FGF9: variants seen among roughly 807,000 people sequenced by gnomAD.
FGF9 encodes fibroblast growth factor 9 (glia-activating factor).
In FGF9, 3 loss-of-function variants were observed where a neutral mutation model predicts 19.9. The observed-to-expected ratio is 0.15, with a 90% confidence interval of 0.07 to 0.39. FGF9 has a LOEUF of 0.39. Ranked by LOEUF, FGF9 falls within the 10% of genes least tolerant of loss-of-function variation. The probability of loss-of-function intolerance (pLI) is 1.00; values close to 1 mark genes in which losing one functional copy is unlikely to be tolerated. For synonymous variants in FGF9, 107 were observed against 106.9 expected (o/e 1.00, Z -0.01); for missense variants, 175 against 256.8 (o/e 0.68, Z 2.18).
chr13:21,687,024 G>C (rs1872178294), intron 2 of FGF9, among the ~76,000 whole-genome samples: 1 of 152,176 alleles, frequency 6.6e-6, no homozygotes, highest in Non-Finnish European at 1.5e-5. Flanking sequence ...TCTTAAAACA[G>C]GTGTTTACTA....
Position 21,671,611 on chromosome 13 carries a change from C to A in FGF9, c.-302C>A. 1 of 540,834 alleles carries A rather than the reference C, an allele frequency of 1.8e-6. No individual in the cohort carries two copies. The highest frequency in any genetic ancestry group is 2.9e-5 in the South Asian group (1 of 34,680). The allele number at this position is 540,834 out of a possible 1,614,324, so 33.5% of individuals were successfully genotyped here. The stretch of plus-strand genomic sequence containing the variant: ...ACGGTCGGATGGGATGAAGACCTTC[C>A]TGCCTGCTAAGAGCTGGGGATCTAT... On this transcript the variant is annotated 5_prime_UTR_variant, in exon 1 of 3. The change creates a new upstream start codon in the 5' untranslated region. Transcript: ENST00000382353.
chr13:21,677,125 A>C (rs1363736733), intron 1 of FGF9, among the ~76,000 whole-genome samples: 2 of 152,278 alleles, frequency 1.3e-5, no homozygotes, highest in Admixed American at 6.5e-5. Flanking sequence ...GAGAACAAAG[A>C]AATGACAGCA....
chr13:21,684,839 A>G (rs1872123690), intron 2 of FGF9, among the ~76,000 whole-genome samples: 1 of 152,214 alleles, frequency 6.6e-6, no homozygotes, highest in East Asian at 1.9e-4. Context: ...CTGTGCACAC[A>G]AAATGTTTGT....
chr13:21,681,803 T>G (rs1447342987), intron 2 of FGF9, among the ~76,000 whole-genome samples: 1 of 152,224 alleles, frequency 6.6e-6, no homozygotes, highest in Admixed American at 6.5e-5. Flanking sequence ...ACTCTTCCAC[T>G]CTGTGGCGGG....
In FGF9 at chr13:21,702,701, A is replaced by G. The variant is rs370206395; in HGVS notation, c.*1266A>G. ...TTTTTGGTTCACTTGGCTATCAAAT[A>G]TGAAATTATAGAAGTATCATAGGGG... On this transcript the variant is annotated 3_prime_UTR_variant, in exon 3 of 3. Coordinates refer to ENST00000382353, the MANE Select transcript of FGF9 (RefSeq NM_002010.3). The G allele has an allele frequency of 1.7e-3, 264 of 152,378 alleles. No individual in the cohort carries two copies. The highest frequency in any genetic ancestry group is 6.0e-3 in the African/African-American group (248 of 41,584). 9.4% of individuals were successfully genotyped at this position (152,378 alleles called of 1,614,324 possible).
intron 2 of FGF9, among the ~76,000 whole-genome samples, chr13:21,697,502 G>A (rs138716987): frequency 6.6e-6 from 1 of 152,238 alleles, no homozygotes; most frequent in African/African-American, 2.4e-5. Flanking sequence ...ATGTGTGTGC[G>A]TGAACGATGC....
rs1871772300 is a variant in FGF9, at chr13:21,671,787, C to G, written c.-126C>G. The G allele has an allele frequency of 5.2e-6, 5 of 969,340 alleles. No homozygotes were observed. The allele number at this position is 969,340 out of a possible 1,614,324, so 60.0% of individuals were successfully genotyped here. A position where few individuals can be genotyped will look rare whatever the true frequency, so the allele number is the denominator to read the frequency against. ...GCATTTAATGGATTGAAGAAAAGAA[C>G]CTTTTTTTTCTCTCTCTCTCTGCAA... is the stretch of plus-strand genomic sequence containing the variant. On this transcript the variant is annotated 5_prime_UTR_variant, in exon 1 of 3. Coordinates refer to ENST00000382353, the MANE Select transcript of FGF9 (RefSeq NM_002010.3).
chr13:21,677,430 C>T (rs1332869094), intron 1 of FGF9, among the ~76,000 whole-genome samples: 6 of 152,218 alleles, frequency 3.9e-5, no homozygotes, highest in Non-Finnish European at 5.9e-5. Context: ...GATCCAGCCC[C>T]CTCTGCTGCC....
chr13:21,692,471 G>A (rs1408025360), intron 2 of FGF9, among the ~76,000 whole-genome samples: 2 of 152,150 alleles, frequency 1.3e-5, no homozygotes, highest in Non-Finnish European at 2.9e-5. Context: ...GATGAAGCAC[G>A]GTTAGTGGAA....
rs1017428199 is a variant in FGF9 at position 21,671,186 on chromosome 13, C to G, written c.-727C>G. Among the ~76,000 whole-genome samples, 1 of 152,246 alleles carries G rather than the reference C, an allele frequency of 6.6e-6. No individual in the cohort carries two copies. Among genetic ancestry groups the G allele is most frequent in the African/African-American group, 2.4e-5 (1 of 41,470 alleles). ...CGGCAGCCTGGGCGGCACGCGAGCTCCCGGACGCGGCTCTCCTCGCTCGCC... is the reference window on the plus strand; with the variant it reads ...CGGCAGCCTGGGCGGCACGCGAGCTGCCGGACGCGGCTCTCCTCGCTCGCC... On this transcript the variant is annotated 5_prime_UTR_variant, in exon 1 of 3. Transcript: ENST00000382353.
At chr13:21,674,365 A>T (rs949166535) in intron 1 of FGF9, among the ~76,000 whole-genome samples, 5 of 150,958 alleles carry the variant, frequency 3.3e-5, no homozygotes, top group African/African-American at 9.7e-5. Flanking sequence ...TGGGGGGGAC[A>T]AAGGGCCGCG....
chr13:21,690,694 G>A (rs1423017521), intron 2 of FGF9, among the ~76,000 whole-genome samples: 2 of 152,210 alleles, frequency 1.3e-5, no homozygotes, highest in African/African-American at 4.8e-5. Context: ...GGCAAAAAAT[G>A]TGAGTAGCAT....
intron 2 of FGF9, among the ~76,000 whole-genome samples, chr13:21,690,953 T>G (rs1872276983): frequency 6.6e-6 from 1 of 152,202 alleles, no homozygotes; most frequent in South Asian, 2.1e-4. Context: ...GGTTGTGAGT[T>G]TGATGTTAAT....
intron 2 of FGF9, among the ~76,000 whole-genome samples, chr13:21,699,398 A>T (rs1872488142): frequency 6.6e-6 from 1 of 152,182 alleles, no homozygotes; most frequent in Non-Finnish European, 1.5e-5. Context: ...AAACTTGTCC[A>T]GTGAGATAGT....
At chr13:21,679,134 A>G (rs1303630000) in intron 1 of FGF9, among the ~76,000 whole-genome samples, 13 of 152,212 alleles carry the variant, frequency 8.5e-5, no homozygotes, top group Admixed American at 7.9e-4. Flanking sequence ...ATTCTCCATC[A>G]TAGAGTCATA....
intron 1 of FGF9, among the ~76,000 whole-genome samples, chr13:21,673,755 G>A (rs1871830462): frequency 1.3e-5 from 2 of 151,402 alleles, no homozygotes; most frequent in South Asian, 2.1e-4. Flanking sequence ...GGGTGTCGGG[G>A]CCGCGCCGAC....
In FGF9 at chr13:21,672,274, C is replaced by T; in HGVS notation, c.277+85C>T. On this transcript the variant is annotated intron_variant, in intron 1 of 2. Coordinates refer to ENST00000382353, the MANE Select transcript of FGF9 (RefSeq NM_002010.3). This position sits in a 1 kb window ranked among gnomAD's most constrained non-coding sequence, Gnocchi z 4.2. ...AAGAAGGTGGTGGCCGGGTGGGGGACGTGGGAAGGGTTCTCCCCTCCTCCC... is the reference window on the plus strand; with the variant it reads ...AAGAAGGTGGTGGCCGGGTGGGGGATGTGGGAAGGGTTCTCCCCTCCTCCC... 1 of 1,468,780 alleles carries T rather than the reference C, an allele frequency of 6.8e-7. No individual in the cohort carries two copies. The highest frequency in any genetic ancestry group is 9.5e-7 in the Non-Finnish European group (1 of 1,051,866). The allele number at this position is 1,468,780 out of a possible 1,614,324, so 91.0% of individuals were successfully genotyped here. A position where few individuals can be genotyped will look rare whatever the true frequency, so the allele number is the denominator to read the frequency against.
chr13:21,699,965 G>A (rs567999102), intron 2 of FGF9, among the ~76,000 whole-genome samples: 1 of 152,164 alleles, frequency 6.6e-6, no homozygotes, highest in East Asian at 1.9e-4. Flanking sequence ...CTAGGGGCCA[G>A]CTTCAATGCA....
Position 21,701,439 on chromosome 13 carries a change from A to C in FGF9, c.*4A>C. 6.2e-7 allele frequency: 1 copy of C among 1,614,100 alleles called. No individual in the cohort carries two copies. The highest frequency in any genetic ancestry group is 1.6e-4 in the Middle Eastern group (1 of 6,062). ...GGATATTCTAAGCCAAAGTTGACAA[A>C]GACAGTTTCTTCACTTGAGCCCTTA... On this transcript the variant is annotated 3_prime_UTR_variant, in exon 3 of 3. Coordinates refer to ENST00000382353, the MANE Select transcript of FGF9 (RefSeq NM_002010.3).
Sources: allele counts gnomAD v4.1 joint callset (sites outside exome capture counted in the v4.1 genomes callset), GRCh38; gene constraint gnomAD v4.1.1; non-coding constraint Gnocchi (gnomAD v3.1); transcripts MANE v1.5; gene names NCBI Gene and HGNC (gene_info 2026-07-23, HGNC 2026-07-21).